VWA7: variants seen among roughly 807,000 people sequenced by gnomAD.
VWA7 encodes von Willebrand factor A domain containing 7.
A neutral mutation model predicts 83.1 loss-of-function variants in VWA7; 66 were observed. The ratio of observed to expected loss-of-function variants is 0.79; its 90% CI spans 0.65 to 0.98. VWA7 has a LOEUF of 0.98. VWA7 is among the 50% of genes least tolerant of loss of function. VWA7 has a pLI of 0.00. For missense variants in VWA7, 1,080 were observed against 1,160.2 expected (o/e 0.93, Z 1.00); for synonymous variants, 424 against 488.5 (o/e 0.87, Z 1.74).
Position 31,775,211 on chromosome 6 carries a change from C to G in VWA7, c.610+122G>C. ...CCAGGCGTTGCTTGGACTGGGGGAC[C>G]TCAGTCCTTGTGGAGATTAAGTAAC... On this transcript the variant is annotated intron_variant, in intron 4 of 16. Coordinates refer to ENST00000375688, the MANE Select transcript of VWA7 (RefSeq NM_025258.3). The surrounding 1 kb of genome is among the most constrained non-coding windows in gnomAD (Gnocchi z 5.9). The G allele has an allele frequency of 1.2e-6, 1 of 844,492 alleles. No homozygotes were observed. The highest frequency in any genetic ancestry group is 1.8e-6 in the Non-Finnish European group (1 of 566,552). 52.3% of individuals were successfully genotyped at this position (844,492 alleles called of 1,614,324 possible).
In VWA7 at chr6:31,775,946, A is replaced by T. The variant is rs374059063; in HGVS notation, c.513+18T>A. ...GAAGTGAAGACCCCTCTGACCATCA[A>T]CCCAACCCTGTTCTCACCTGCAGGG... On this transcript the variant is annotated intron_variant, in intron 3 of 16. Coordinates refer to ENST00000375688, the MANE Select transcript of VWA7 (RefSeq NM_025258.3). The surrounding 1 kb of genome is among the most constrained non-coding windows in gnomAD (Gnocchi z 5.9). The T allele has an allele frequency of 3.1e-6, 5 of 1,598,024 alleles. No individual in the cohort carries two copies. Among genetic ancestry groups the T allele is most frequent in the Non-Finnish European group, 4.3e-6 (5 of 1,171,552 alleles).
Position 31,773,306 on chromosome 6 carries a change from G to A in VWA7, c.853C>T (p.Leu285Phe). ...CTGAAGGCCTGGATGGAGGCTAGAA[G>A]GGCCAGTTTTGCAGCCTGGAGGTGC... ...MLHLQAAKLA[L>F]LASIQAFSLL... Residue 285 changes from leucine to phenylalanine, a missense_variant, in exon 6 of 17, where the codon CTT becomes TTT. Physicochemically the swap from Leu to Phe is conservative, Grantham distance 22. Coordinates refer to ENST00000375688, the MANE Select transcript of VWA7 (RefSeq NM_025258.3). The surrounding 1 kb of genome is among the most constrained non-coding windows in gnomAD (Gnocchi z 5.3). 6.2e-7 allele frequency: 1 copy of A among 1,608,916 alleles called. No individual in the cohort carries two copies. Among genetic ancestry groups the A allele is most frequent in the Non-Finnish European group, 8.5e-7 (1 of 1,177,924 alleles).
chr6:31,769,199 G>A lies in VWA7; in HGVS notation c.1322C>T (p.Thr441Ile). 1.2e-6 allele frequency: 2 copies of A among 1,612,566 alleles called. No individual in the cohort carries two copies. Among genetic ancestry groups the A allele is most frequent in the Non-Finnish European group, 1.7e-6 (2 of 1,179,844 alleles). Reference sequence around the variant, plus strand: ...TGATGTATCTTCAGTCACCAGGAATGTTACCTGTACCCAGAAGAGAGCTCA... The same window carrying A: ...TGATGTATCTTCAGTCACCAGGAATATTACCTGTACCCAGAAGAGAGCTCA... ...SLTQERRCRV[T>I]FLVTEDTSRV... Residue 441 changes from threonine (T) to isoleucine (I), a missense_variant, in exon 10 of 17, where the codon ACA becomes ATA. By Grantham distance (89) the Thr-to-Ile change is moderately conservative. Transcript: ENST00000375688. The surrounding 1 kb of genome is among the most constrained non-coding windows in gnomAD (Gnocchi z 4.5).
At position 31,769,829 on chromosome 6, in the gene VWA7, G is replaced by C. The variant is rs749728287; in HGVS notation, c.1201-38C>G. ...GCAACGACCAGTGTTAACAATGGCA[G>C]TAGGAGGGGAATGGGTAGAGCCACG... On this transcript the variant is annotated intron_variant, in intron 8 of 16. Transcript: ENST00000375688. This position sits in a 1 kb window ranked among gnomAD's most constrained non-coding sequence, Gnocchi z 4.5. 15 of 1,587,926 alleles carry C rather than the reference G, an allele frequency of 9.4e-6. No individual in the cohort carries two copies.
In VWA7 at chr6:31,766,905, G is replaced by GCTCCC; in HGVS notation, c.1883-142_1883-141insGGGAG. 1 of 898,526 alleles carries GCTCCC rather than the reference G, an allele frequency of 1.1e-6. No individual in the cohort carries two copies. Among genetic ancestry groups the GCTCCC allele is most frequent in the Non-Finnish European group, 1.6e-6 (1 of 612,478 alleles). 55.7% of individuals were successfully genotyped at this position (898,526 alleles called of 1,614,324 possible). On this transcript the variant is annotated intron_variant, in intron 13 of 16. Coordinates refer to ENST00000375688, the MANE Select transcript of VWA7 (RefSeq NM_025258.3). This position sits in a 1 kb window ranked among gnomAD's most constrained non-coding sequence, Gnocchi z 4.9. ...TACCTTCGAGGGGTATTGATGGGGA[G>GCTCCC]CATCAGGAGGGAGTTCTGGGGTGCT... is the stretch of plus-strand genomic sequence containing the variant.
At position 31,766,952 on chromosome 6, in the gene VWA7, C is replaced by T. The variant is rs1170159856; in HGVS notation, c.1883-188G>A. ...TGCTGGAAATGTTCTATATCCTGAA[C>T]TGGGTGTATTATATGAAATCCATCA... On this transcript the variant is annotated intron_variant, in intron 13 of 16. Transcript: ENST00000375688. The surrounding 1 kb of genome is among the most constrained non-coding windows in gnomAD (Gnocchi z 4.9). 1.3e-5 allele frequency among the ~76,000 whole-genome samples: 2 copies of T among 151,522 alleles called. No homozygotes were observed. The highest frequency in any genetic ancestry group is 2.9e-5 in the Non-Finnish European group (2 of 67,936).
Position 31,769,444 on chromosome 6 carries a change from T to C in VWA7, c.1317+231A>G, listed in dbSNP as rs995025047. Among the ~76,000 whole-genome samples the C allele has an allele frequency of 1.3e-5, 2 of 152,214 alleles. No homozygotes were observed. Among genetic ancestry groups the C allele is most frequent in the African/African-American group, 4.8e-5 (2 of 41,454 alleles). On this transcript the variant is annotated intron_variant, in intron 9 of 16. Transcript: ENST00000375688. This position sits in a 1 kb window ranked among gnomAD's most constrained non-coding sequence, Gnocchi z 4.5. ...GCGACTAGAGCCCCAGTTCTTCACA[T>C]TGTTTATTAGGCAGGGTCAAATAAA...
chr6:31,770,154 C>A, intron 7 of VWA7, 41 bp from the exon 8 acceptor site: 3 of 1,556,104 alleles, frequency 1.9e-6, no homozygotes, highest in Non-Finnish European at 1.8e-6. Flanking sequence ...GAGGAAAGAG[C>A]TCCCCTCATT....
At position 31,769,924 on chromosome 6, in the gene VWA7, T is replaced by C; in HGVS notation, c.1200+77A>G. The C allele has an allele frequency of 6.6e-7, 1 of 1,510,200 alleles. No individual in the cohort carries two copies. The highest frequency in any genetic ancestry group is 9.2e-7 in the Non-Finnish European group (1 of 1,090,596). 93.5% of individuals were successfully genotyped at this position (1,510,200 alleles called of 1,614,324 possible). A position where few individuals can be genotyped will look rare whatever the true frequency, so the allele number is the denominator to read the frequency against. On this transcript the variant is annotated intron_variant, in intron 8 of 16. Coordinates refer to ENST00000375688, the MANE Select transcript of VWA7 (RefSeq NM_025258.3). The surrounding 1 kb of genome is among the most constrained non-coding windows in gnomAD (Gnocchi z 4.5). ...AGCTAGTGGATCTAGGTGCTGAAGGTGGTGGGGAGCCCCAGGAGGGATCTA... is the reference window on the plus strand; with the variant it reads ...AGCTAGTGGATCTAGGTGCTGAAGGCGGTGGGGAGCCCCAGGAGGGATCTA...
At chr6:31,772,100 G>A (rs1812236241) in intron 7 of VWA7, among the ~76,000 whole-genome samples, 1 of 150,600 alleles carries the variant, frequency 6.6e-6, no homozygotes, top group Non-Finnish European at 1.5e-5. Context: ...CATGGAAAGT[G>A]CTGCCATTTT....
rs1282703640 is a variant in VWA7, at chr6:31,773,222, A to G, written c.917+20T>C. On this transcript the variant is annotated intron_variant, in intron 6 of 16. Transcript: ENST00000375688. This position sits in a 1 kb window ranked among gnomAD's most constrained non-coding sequence, Gnocchi z 5.3. ...GGAGCGCCTCCCCATGAAGGGGTCC[A>G]TCCCCAGGAGGCCACTCACCTGGAG... 1 of 1,595,904 alleles carries G rather than the reference A, an allele frequency of 6.3e-7. No homozygotes were observed. The highest frequency in any genetic ancestry group is 8.5e-7 in the Non-Finnish European group (1 of 1,171,682).
At position 31,766,338 on chromosome 6, in the gene VWA7, AGCGGGACTTT is replaced by A; in HGVS notation, c.2221_2230del (p.Lys741SerfsTer37). On this transcript the variant is annotated frameshift_variant, in exon 15 of 17. Coordinates refer to ENST00000375688, the MANE Select transcript of VWA7 (RefSeq NM_025258.3). LOFTEE classifies it high-confidence loss of function. This position sits in a 1 kb window ranked among gnomAD's most constrained non-coding sequence, Gnocchi z 4.9. Reference sequence around the variant, plus strand: ...CGAGAAGCTGGCGATGCGGAGACTGAGCGGGACTTTGCTGCCCGGGGCCAAGAAACCCGAG... The same window carrying A: ...CGAGAAGCTGGCGATGCGGAGACTGAGCTGCCCGGGGCCAAGAAACCCGAG... 6.2e-7 allele frequency: 1 copy of A among 1,609,520 alleles called. No homozygotes were observed. Among genetic ancestry groups the A allele is most frequent in the Non-Finnish European group, 8.5e-7 (1 of 1,178,732 alleles).
At position 31,767,732 on chromosome 6, in the gene VWA7, G is replaced by A; in HGVS notation, c.1526C>T (p.Pro509Leu). The A allele has an allele frequency of 6.2e-7, 1 of 1,611,068 alleles. No individual in the cohort carries two copies. The highest frequency in any genetic ancestry group is 8.5e-7 in the Non-Finnish European group (1 of 1,177,480). ...AALVTLPLDP[P>L]VVVPGQPLVF... ...AAGTGGCTGCCCAGGCACCACAACAGGAGGGTCCAGGGGAAGAGTCACCTT... is the reference window on the plus strand; with the variant it reads ...AAGTGGCTGCCCAGGCACCACAACAAGAGGGTCCAGGGGAAGAGTCACCTT... Residue 509 changes from proline (P) to leucine (L), a missense_variant, in exon 11 of 17, where the codon CCT (proline) becomes CTT (leucine). Transcript: ENST00000375688.
intron 7 of VWA7, among the ~76,000 whole-genome samples, chr6:31,772,315 T>C (rs1812256331): frequency 6.6e-6 from 1 of 151,748 alleles, no homozygotes; most frequent in Admixed American, 6.6e-5. Context: ...CCACACATAA[T>C]TTTTATTAAT....
rs779537284 is a variant in VWA7, at chr6:31,776,372, G to A, written c.235-130C>T. ...AGCCCCACAAAGGAGGGACAGTCCC[G>A]GACCTTTCTAAGGAGGGGGACTCCT... On this transcript the variant is annotated intron_variant, in intron 2 of 16. Transcript: ENST00000375688. This position sits in a 1 kb window ranked among gnomAD's most constrained non-coding sequence, Gnocchi z 6.2. 2.0e-5 allele frequency: 28 copies of A among 1,368,192 alleles called. No homozygotes were observed. The highest frequency in any genetic ancestry group is 2.7e-5 in the Non-Finnish European group (27 of 1,017,530). 84.8% of individuals were successfully genotyped at this position (1,368,192 alleles called of 1,614,324 possible). A position where few individuals can be genotyped will look rare whatever the true frequency, so the allele number is the denominator to read the frequency against.
In VWA7 at chr6:31,775,523, C is replaced by A; in HGVS notation, c.514-94G>T. 1 of 1,098,756 alleles carries A rather than the reference C, an allele frequency of 9.1e-7. No individual in the cohort carries two copies. The highest frequency in any genetic ancestry group is 1.3e-6 in the Non-Finnish European group (1 of 765,816). 68.1% of individuals were successfully genotyped at this position (1,098,756 alleles called of 1,614,324 possible). A position where few individuals can be genotyped will look rare whatever the true frequency, so the allele number is the denominator to read the frequency against. ...TATGCCACTCCTTTGAGTTCCCCAT[C>A]CCGAAAGTCCCCTCCCACCCCTACT... On this transcript the variant is annotated intron_variant, in intron 3 of 16. Transcript: ENST00000375688. The surrounding 1 kb of genome is among the most constrained non-coding windows in gnomAD (Gnocchi z 5.9).
rs781448871 is a variant in VWA7, at chr6:31,776,181, C to T, written c.296G>A (p.Arg99Gln). 27 of 1,613,948 alleles carry T rather than the reference C, an allele frequency of 1.7e-5. No homozygotes were observed. Among genetic ancestry groups the T allele is most frequent in the East Asian group, 4.5e-5 (2 of 44,886 alleles). ...AAYFGPGSSR[R>Q]FRAALGEVSR... Reference sequence around the variant, plus strand: ...CACCTCACCTAAGGCTGCTCGGAACCGCCGAGAAGAACCAGGTCCAAAGTA... The same window carrying T: ...CACCTCACCTAAGGCTGCTCGGAACTGCCGAGAAGAACCAGGTCCAAAGTA... Residue 99 changes from arginine (R) to glutamine (Q), a missense_variant, in exon 3 of 17, where the codon CGG becomes CAG. Arg to Gln is a conservative substitution (Grantham distance 43). Coordinates refer to ENST00000375688, the MANE Select transcript of VWA7 (RefSeq NM_025258.3). The surrounding 1 kb of genome is among the most constrained non-coding windows in gnomAD (Gnocchi z 6.2).
In VWA7 at chr6:31,767,694, C is replaced by T; in HGVS notation, c.1564G>A (p.Asp522Asn). 6.2e-7 allele frequency: 1 copy of T among 1,613,518 alleles called. No individual in the cohort carries two copies. Among genetic ancestry groups the T allele is most frequent in the Non-Finnish European group, 8.5e-7 (1 of 1,179,462 alleles). ...ACTGTGATCTTCTGGAGCAGCCCAT[C>T]CACGCTGAACACAAGTGGCTGCCCA... ...VPGQPLVFSV[D>N]GLLQKITVRI... Residue 522 changes from aspartate to asparagine, a missense_variant, in exon 11 of 17, where the codon GAT becomes AAT. Coordinates refer to ENST00000375688, the MANE Select transcript of VWA7 (RefSeq NM_025258.3).
rs749462057 is a variant in VWA7, at chr6:31,765,960, C to T, written c.2422G>A (p.Ala808Thr). The change falls in exon 16 of 17, where the codon GCA (alanine) becomes ACA (threonine). Residue 808 changes from alanine (A) to threonine (T), a missense_variant. Physicochemically the swap from Ala to Thr is moderately conservative, Grantham distance 58. Coordinates refer to ENST00000375688, the MANE Select transcript of VWA7 (RefSeq NM_025258.3). ...PDSVVMVTVTAGGREANPVPP... is the reference protein window; with the variant it reads ...PDSVVMVTVTTGGREANPVPP... ...ACTGGGTTGGCTTCTCGTCCCCCTG[C>T]AGTCACAGTCACCATCACCACGGAA... 1 of 1,613,106 alleles carries T rather than the reference C, an allele frequency of 6.2e-7. No homozygotes were observed. Among genetic ancestry groups the T allele is most frequent in the Non-Finnish European group, 8.5e-7 (1 of 1,180,026 alleles).
Sources: gnomAD v4.1 joint callset for allele counts (sites outside exome capture counted in the v4.1 genomes callset) on GRCh38, gnomAD v4.1.1 for gene constraint, Gnocchi (gnomAD v3.1) non-coding constraint, MANE v1.5 for transcripts, NCBI Gene and HGNC (gene_info 2026-07-23, HGNC 2026-07-21) for gene names.